Variants in HDAC9 observed in about 807,000 individuals in gnomAD.
The protein encoded by HDAC9 is histone deacetylase 9, also known as MEF-2 interacting transcription repressor (MITR) protein.
HDAC9 carries 41 observed loss-of-function variants against 139.4 expected under a neutral mutation model. The observed-to-expected ratio is 0.29, with a 90% CI of 0.23 to 0.38. The LOEUF is 0.38. Ranked by LOEUF, HDAC9 falls within the 10% of genes least tolerant of loss-of-function variation. HDAC9 has a pLI of 1.00. For synonymous variants in HDAC9, 517 were observed against 476.2 expected, an observed-to-expected ratio of 1.09 and a Z score of -1.12; for missense variants, 1,147 against 1,297.0, an observed-to-expected ratio of 0.88 and a Z score of 1.78.
At chr7:18,201,862 G>A (rs1333765291) in intron 2 of HDAC9, among the ~76,000 whole-genome samples, 1 of 152,128 alleles carries the variant, frequency 6.6e-6, no homozygotes, top group African/African-American at 2.4e-5. Flanking sequence ...ATCAGCCTAG[G>A]CAACTGATTA....
intron 21 of HDAC9, among the ~76,000 whole-genome samples, chr7:18,864,182 T>A (rs1014905318): frequency 1.3e-5 from 2 of 152,208 alleles, no homozygotes; most frequent in African/African-American, 4.8e-5. Flanking sequence ...ATAGATACAA[T>A]AGAATATTAT....
At chr7:18,350,959 GT>G (rs1456002773) in intron 1 of HDAC9, among the ~76,000 whole-genome samples, 2 of 152,126 alleles carry the variant, frequency 1.3e-5, no homozygotes, top group Non-Finnish European at 2.9e-5. Context: ...CAAGAACATT[GT>G]TTTGTAAGTG....
intron 1 of HDAC9, among the ~76,000 whole-genome samples, chr7:18,381,445 A>G (rs926381906): frequency 6.6e-6 from 1 of 151,954 alleles, no homozygotes; most frequent in African/African-American, 2.4e-5. Context: ...TAAGAAAATC[A>G]CGGGAGATTT....
At chr7:18,152,203 A>C (rs576051106) in intron 1 of HDAC9, among the ~76,000 whole-genome samples, 7 of 152,270 alleles carry the variant, frequency 4.6e-5, no homozygotes, top group Non-Finnish European at 1.0e-4. Flanking sequence ...AATGTCTCAC[A>C]TATATTGAGC....
intron 22 of HDAC9, among the ~76,000 whole-genome samples, chr7:18,909,719 T>A (rs993171586): frequency 3.9e-5 from 6 of 152,022 alleles, no homozygotes; most frequent in Admixed American, 2.0e-4. Context: ...AGACTGTCCC[T>A]TCCCCAACGT....
chr7:18,539,920 G>A (rs982557151), intron 2 of HDAC9, among the ~76,000 whole-genome samples: 1 of 151,892 alleles, frequency 6.6e-6, no homozygotes, highest in Non-Finnish European at 1.5e-5. Context: ...AGAAACAAAT[G>A]TCAATGGGAA....
chr7:18,392,608 T>C (rs1786637985), intron 1 of HDAC9, among the ~76,000 whole-genome samples: 1 of 152,106 alleles, frequency 6.6e-6, no homozygotes, highest in Admixed American at 6.6e-5. Context: ...CTAATGCAAT[T>C]TTCCAGAGAA....
chr7:18,758,062 A>C (rs527769579), intron 14 of HDAC9, among the ~76,000 whole-genome samples: 1 of 152,298 alleles, frequency 6.6e-6, no homozygotes, highest in Admixed American at 6.5e-5. Flanking sequence ...TGCACGTCAC[A>C]GGGAACGATA....
intron 22 of HDAC9, chr7:18,899,280 T>A (rs1326649181): frequency 2.0e-5 from 3 of 152,032 alleles, no homozygotes; most frequent in African/African-American, 7.2e-5. Context: ...ATGTGGTAAC[T>A]AGTAATTAGT....
chr7:18,662,767 G>A (rs1016945320), intron 11 of HDAC9, among the ~76,000 whole-genome samples: 2 of 152,074 alleles, frequency 1.3e-5, no homozygotes, highest in Non-Finnish European at 2.9e-5. Context: ...GAGGTAGTAC[G>A]AGACGGTGAA....
intron 23 of HDAC9, among the ~76,000 whole-genome samples, chr7:18,944,763 A>G (rs1454692174): frequency 6.6e-6 from 1 of 152,146 alleles, no homozygotes. Flanking sequence ...GTCTAAGACT[A>G]TATTTTAATT....
At chr7:18,642,851 A>G (rs981535197) in intron 8 of HDAC9, among the ~76,000 whole-genome samples, 1 of 152,048 alleles carries the variant, frequency 6.6e-6, no homozygotes, top group African/African-American at 2.4e-5. Flanking sequence ...CTGGGAAACA[A>G]AGAAAACTCT....
intron 2 of HDAC9, among the ~76,000 whole-genome samples, chr7:18,272,913 GCTACTACTACTACTACTACTA>G (rs149171355): frequency 0.01 from 1,463 of 144,542 alleles, 15 homozygotes; most frequent in East Asian, 0.013. Context: ...CTAGACTACT[GCTACTACTACTACTACTACTA>G]CTACTACTAC....
At position 18,678,702 on chromosome 7, in the gene HDAC9, T is replaced by A. The variant is rs543249628; in HGVS notation, c.1731+12226T>A. Among the ~76,000 whole-genome samples the A allele has an allele frequency of 5.3e-5, 8 of 152,046 alleles. No individual in the cohort carries two copies. In the East Asian group the frequency reaches 1.2e-3, roughly 22 times the overall value. On this transcript the variant is annotated intron_variant, in intron 12 of 25. Transcript: ENST00000686413. ...TTTTCTTTAAATCCTTGAGTGTATT[T>A]TTGTTTACTTTAAAGTCCTTTTCTG...
chr7:18,725,358 A>G (rs1378522509), intron 12 of HDAC9, among the ~76,000 whole-genome samples: 2 of 152,192 alleles, frequency 1.3e-5, no homozygotes, highest in African/African-American at 2.4e-5. Flanking sequence ...TATTCAGTAG[A>G]TAGTATTCGG....
intron 2 of HDAC9, among the ~76,000 whole-genome samples, chr7:18,558,595 T>C (rs1819604417): frequency 6.6e-6 from 1 of 152,184 alleles, no homozygotes; most frequent in Non-Finnish European, 1.5e-5. Context: ...AACATTTGTA[T>C]TGAATATATG....
Position 18,935,858 on chromosome 7 carries a change from G to A in HDAC9, c.2853G>A (p.Val951=). The A allele has an allele frequency of 6.2e-7, 1 of 1,613,714 alleles. No homozygotes were observed. The highest frequency in any genetic ancestry group is 1.6e-4 in the Middle Eastern group (1 of 6,062). Residue 951 remains valine (V), a synonymous_variant, in exon 23 of 26, where the codon GTG becomes GTA. Coordinates refer to ENST00000686413, the MANE Select transcript of HDAC9 (RefSeq NM_178425.4). Reference sequence around the variant, plus strand: ...TGATGACATTGGCTGATGGACGTGTGGTGTTGGCTCTAGAAGGAGGACATG... The same window carrying A: ...TGATGACATTGGCTGATGGACGTGTAGTGTTGGCTCTAGAAGGAGGACATG... ...KQLMTLADGR[V]VLALEGGHDL...
At chr7:18,983,717 G>A (rs138889503) in intron 25 of HDAC9, among the ~76,000 whole-genome samples, 96 of 152,250 alleles carry the variant, frequency 6.3e-4, no homozygotes, top group African/African-American at 2.2e-3. Context: ...AGCAATGAAT[G>A]ACAGTTCCAA....
At chr7:18,137,833 A>G (rs568696199) in intron 1 of HDAC9, among the ~76,000 whole-genome samples, 24 of 151,270 alleles carry the variant, frequency 1.6e-4, no homozygotes, top group African/African-American at 5.3e-4. Context: ...ATGAGTTAGG[A>G]AGGATTCCCT....
Sources: allele counts gnomAD v4.1 joint callset (sites outside exome capture counted in the v4.1 genomes callset), GRCh38; gene constraint gnomAD v4.1.1; transcripts MANE v1.5; gene names NCBI Gene and HGNC (gene_info 2026-07-23, HGNC 2026-07-21).